Variants in LFNG observed in about 807,000 individuals in gnomAD.
The protein encoded by LFNG is LFNG O-fucosylpeptide 3-beta-N-acetylglucosaminyltransferase, also known as beta-1,3-N-acetylglucosaminyltransferase lunatic fringe.
A neutral mutation model predicts 32.7 loss-of-function variants in LFNG; 15 were observed. The observed-to-expected ratio is 0.46, with a 90% CI of 0.31 to 0.71. The LOEUF (loss-of-function observed/expected upper bound fraction) is 0.71. LFNG is among the 30% of genes least tolerant of loss of function. The probability of loss-of-function intolerance (pLI) is 0.06; values close to 1 mark genes in which losing one functional copy is unlikely to be tolerated. For synonymous variants in LFNG, 274 were observed against 246.8 expected (o/e 1.11, Z -1.03); for missense variants, 520 against 545.7 (o/e 0.95, Z 0.47).
Position 2,519,978 on chromosome 7 carries a change from G to A in LFNG, c.117G>A (p.Arg39=). The A allele has an allele frequency of 2.0e-6, 2 of 982,030 alleles. No individual in the cohort carries two copies. Among genetic ancestry groups the A allele is most frequent in the Non-Finnish European group, 2.4e-6 (2 of 829,460 alleles). 60.8% of individuals were successfully genotyped at this position (982,030 alleles called of 1,614,324 possible). ...PPPPLPAERG[R]RALRSLAGPA... ...CTCCACTGCCCGCCGAGCGCGGCCG[G>A]CGCGCGCTGCGCAGCCTGGCGGGCC... Residue 39 remains arginine (R), a synonymous_variant, in exon 1 of 8, where the codon CGG becomes CGA. Coordinates refer to ENST00000222725, the MANE Select transcript of LFNG (RefSeq NM_001040167.2).
In LFNG at chr7:2,527,507, A is replaced by T. The variant is rs950645256; in HGVS notation, c.*295A>T. ...GTGTGTCGGAGGCCACTCCGAGGGC[A>T]ATTCTGTTAGGATTTTTGGATCTTT... On this transcript the variant is annotated 3_prime_UTR_variant, in exon 8 of 8. Transcript: ENST00000222725. This position sits in a 1 kb window ranked among gnomAD's most constrained non-coding sequence, Gnocchi z 4.4. 1 of 1,352,912 alleles carries T rather than the reference A, an allele frequency of 7.4e-7. No individual in the cohort carries two copies. Among genetic ancestry groups the T allele is most frequent in the African/African-American group, 1.5e-5 (1 of 67,932 alleles). The allele number at this position is 1,352,912 out of a possible 1,614,324, so 83.8% of individuals were successfully genotyped here.
intron 1 of LFNG, 72 bp from the exon 2 acceptor site, chr7:2,524,623 G>A (rs756066068): frequency 3.1e-5 from 45 of 1,444,690 alleles, no homozygotes; most frequent in Middle Eastern, 1.7e-4. Flanking sequence ...AGGGCGCCCC[G>A]TCCGGCCCCC....
At position 2,526,268 on chromosome 7, in the gene LFNG, T is replaced by C; in HGVS notation, c.846T>C (p.Ala282=). 1 of 1,612,992 alleles carries C rather than the reference T, an allele frequency of 6.2e-7. No homozygotes were observed. ...WASGGHFMNT[A]ERIRLPDDCT... is the part of the protein sequence containing the mutation. The stretch of plus-strand genomic sequence containing the variant: ...GCGGGGGTCACTTCATGAATACGGC[T>C]GAGCGGATCCGGCTGCCTGATGACT... The change falls in exon 6 of 8, where the codon GCT becomes GCC. Residue 282 remains alanine (A), a synonymous_variant. Transcript: ENST00000222725. This position sits in a 1 kb window ranked among gnomAD's most constrained non-coding sequence, Gnocchi z 6.9.
chr7:2,513,380 C>A (rs973331705), upstream of LFNG: 2 of 1,529,756 alleles, frequency 1.3e-6, no homozygotes, highest in African/African-American at 1.4e-5. Flanking sequence ...GCTTCCAGAG[C>A]AGCCTGGAAT....
upstream of LFNG, among the ~76,000 whole-genome samples, chr7:2,517,345 C>T (rs992341764): frequency 1.3e-5 from 2 of 152,306 alleles, no homozygotes; most frequent in East Asian, 1.9e-4. Context: ...TCCAGACAGG[C>T]AGCAGCATCA....
chr7:2,521,192 G>C (rs1779778317), intron 1 of LFNG, among the ~76,000 whole-genome samples: 1 of 150,816 alleles, frequency 6.6e-6, no homozygotes, highest in South Asian at 2.1e-4. Context: ...GGGTGGGTGG[G>C]AGCAGGGCTT....
chr7:2,513,508 G>A (rs533623655), upstream of LFNG, among the ~76,000 whole-genome samples: 1 of 152,296 alleles, frequency 6.6e-6, no homozygotes, highest in Non-Finnish European at 1.5e-5. Context: ...TAGCAAGCAG[G>A]GCTCCCCTGG....
upstream of LFNG, chr7:2,518,413 G>T: frequency 5.7e-6 from 4 of 702,910 alleles, no homozygotes; most frequent in Non-Finnish European, 1.1e-5. Flanking sequence ...CAGGGGCTAG[G>T]GGTGGGGCCC....
rs746076726 is a variant in LFNG, at chr7:2,525,689, C to T, written c.740C>T (p.Pro247Leu). The change falls in exon 5 of 8, where the codon CCT (proline) becomes CTT (leucine). Residue 247 changes from proline (P) to leucine (L), a missense_variant. Transcript: ENST00000222725. ...MERVSENKVR[P>L]VHFWFATGGA... ...ACACCTTCTCCCTTCTCCCAGCGTC[C>T]TGTCCACTTCTGGTTTGCCACGGGC... The T allele has an allele frequency of 1.2e-6, 2 of 1,613,240 alleles. No individual in the cohort carries two copies. The highest frequency in any genetic ancestry group is 1.1e-5 in the South Asian group (1 of 91,082).
rs1256520165 is a variant in LFNG, at chr7:2,527,458, A to T, written c.*246A>T. 6 of 1,417,546 alleles carry T rather than the reference A, an allele frequency of 4.2e-6. No individual in the cohort carries two copies. Among genetic ancestry groups the T allele is most frequent in the Non-Finnish European group, 4.6e-6 (5 of 1,086,018 alleles). The allele number at this position is 1,417,546 out of a possible 1,614,324, so 87.8% of individuals were successfully genotyped here. A position where few individuals can be genotyped will look rare whatever the true frequency, so the allele number is the denominator to read the frequency against. On this transcript the variant is annotated 3_prime_UTR_variant, in exon 8 of 8. Transcript: ENST00000222725. This position sits in a 1 kb window ranked among gnomAD's most constrained non-coding sequence, Gnocchi z 4.4. ...TCTGCTCCGAGGGCCAGTGGGCTGC[A>T]GGGCCTGCTTGGAGGAAGGATTTGT...
At chr7:2,524,535 T>A in intron 1 of LFNG, 160 bp from the exon 2 acceptor site, 1 of 721,792 alleles carries the variant, frequency 1.4e-6, no homozygotes, top group Non-Finnish European at 2.5e-6. Flanking sequence ...ACTTGAGCCC[T>A]TCTCAGCACG....
intron 1 of LFNG, among the ~76,000 whole-genome samples, chr7:2,522,294 G>A (rs1779814082): frequency 6.6e-6 from 1 of 152,216 alleles, no homozygotes. Context: ...ATCCGGGCAT[G>A]GTGATGACCA....
upstream of LFNG, among the ~76,000 whole-genome samples, chr7:2,519,027 G>A (rs1418485946): frequency 1.3e-5 from 2 of 152,210 alleles, no homozygotes; most frequent in African/African-American, 4.8e-5. Context: ...TGGGACAGAA[G>A]GCGGCCTTTC....
rs1343921078 is a variant in LFNG, at chr7:2,520,199, G to A, written c.338G>A (p.Arg113Gln). The A allele has an allele frequency of 1.9e-6, 3 of 1,595,666 alleles. No individual in the cohort carries two copies. Among genetic ancestry groups the A allele is most frequent in the Admixed American group, 1.7e-5 (1 of 58,794 alleles). Residue 113 changes from arginine (R) to glutamine (Q), a missense_variant, in exon 1 of 8, where the codon CGA (arginine) becomes CAA (glutamine). By Grantham distance (43) the Arg-to-Gln change is conservative (BLOSUM62 1). Transcript: ENST00000222725. This position sits in a 1 kb window ranked among gnomAD's most constrained non-coding sequence, Gnocchi z 5.0. ...PRPLAEPLAP[R>Q]DVFIAVKTTK... ...CCCCTGGCCGAGCCGCTCGCGCCCC[G>A]AGACGTCTTCATCGCTGTCAAGACC...
upstream of LFNG, among the ~76,000 whole-genome samples, chr7:2,519,503 C>A (rs1779715089): frequency 6.6e-6 from 1 of 151,778 alleles, no homozygotes; most frequent in Non-Finnish European, 1.5e-5. Context: ...TTCAGGGACA[C>A]CGGCGCGGGC....
chr7:2,522,835 C>T (rs1247696952), intron 1 of LFNG, among the ~76,000 whole-genome samples: 2 of 152,270 alleles, frequency 1.3e-5, no homozygotes, highest in African/African-American at 4.8e-5. Context: ...TCTGTCTTTG[C>T]ACTTTGTTCT....
chr7:2,523,974 C>T lies in LFNG; in HGVS notation c.433-721C>T, dbSNP rs74669291. Among the ~76,000 whole-genome samples, 788 of 152,304 alleles carry T rather than the reference C, an allele frequency of 5.2e-3. 8 individuals carry two copies. The highest frequency in any genetic ancestry group is 0.018 in the African/African-American group (759 of 41,560). Reference sequence around the variant, plus strand: ...TGGCTGCAGTGCTGGTGGCTGCACCCTACGCGCGGGACCTCATGCCCAGCC... The same window carrying T: ...TGGCTGCAGTGCTGGTGGCTGCACCTTACGCGCGGGACCTCATGCCCAGCC... On this transcript the variant is annotated intron_variant, in intron 1 of 7. Coordinates refer to ENST00000222725, the MANE Select transcript of LFNG (RefSeq NM_001040167.2).
chr7:2,525,602 C>T (rs552518650), intron 4 of LFNG, 35 bp downstream of exon 4: 91 of 1,611,966 alleles, frequency 5.6e-5, no homozygotes, highest in South Asian at 4.9e-4. Context: ...CCCACGCCCA[C>T]GCGGAGCGCA....
At chr7:2,521,825 T>G (rs530872730) in intron 1 of LFNG, among the ~76,000 whole-genome samples, 18 of 152,314 alleles carry the variant, frequency 1.2e-4, no homozygotes. Context: ...AACATGGTCC[T>G]TCCAGGAGCA....
Sources: gnomAD v4.1 joint callset for allele counts (sites outside exome capture counted in the v4.1 genomes callset) on GRCh38, gnomAD v4.1.1 for gene constraint, Gnocchi (gnomAD v3.1) non-coding constraint, MANE v1.5 for transcripts, NCBI Gene and HGNC (gene_info 2026-07-23, HGNC 2026-07-21) for gene names.